Variants in XDH observed in about 807,000 individuals in gnomAD.
XDH encodes the protein xanthine dehydrogenase, also known as xanthine dehydrogenase/oxidase.
A neutral mutation model predicts 156.1 loss-of-function variants in XDH; 138 were observed. The observed-to-expected ratio is 0.88, with a 90% confidence interval of 0.77 to 1.02. The LOEUF (loss-of-function observed/expected upper bound fraction) is 1.02. Among genes scored for constraint, XDH ranks in the 50% least tolerant of loss-of-function variants. The pLI is 0.00. For synonymous variants in XDH, 669 were observed against 625.7 expected, an observed-to-expected ratio of 1.07 and a Z score of -1.03; for missense variants, 1,849 against 1,684.9, an observed-to-expected ratio of 1.10 and a Z score of -1.71.
chr2:31,401,716 C>T (rs1687065746), intron 3 of XDH, among the ~76,000 whole-genome samples: 1 of 152,260 alleles, frequency 6.6e-6, no homozygotes. Flanking sequence ...AGGGCTGTTC[C>T]TTAGCTTCCA....
At chr2:31,411,295 A>G (rs1687337602) in intron 1 of XDH, among the ~76,000 whole-genome samples, 1 of 151,740 alleles carries the variant, frequency 6.6e-6, no homozygotes, top group Non-Finnish European at 1.5e-5. Context: ...AAAAAAAAAA[A>G]AAAAAGAATA....
At chr2:31,340,613 G>C (rs373417828) in intron 33 of XDH, among the ~76,000 whole-genome samples, 1 of 152,018 alleles carries the variant, frequency 6.6e-6, no homozygotes, top group Non-Finnish European at 1.5e-5. Flanking sequence ...GGGATTACAG[G>C]TGCATGCCAC....
At chr2:31,400,196 T>A (rs1189752008) in intron 4 of XDH, among the ~76,000 whole-genome samples, 1 of 150,342 alleles carries the variant, frequency 6.7e-6, no homozygotes, top group Admixed American at 6.6e-5. Context: ...CCTCAAATAA[T>A]CAAGGGAGGA....
intron 4 of XDH, among the ~76,000 whole-genome samples, chr2:31,400,877 T>G (rs1687040053): frequency 6.6e-6 from 1 of 152,184 alleles, no homozygotes; most frequent in Admixed American, 6.5e-5. Context: ...GCTGGGAGTT[T>G]CCTAAACACA....
chr2:31,381,763 C>A (rs1473602352), intron 11 of XDH, 37 bp from the exon 12 acceptor site: 1 of 1,575,886 alleles, frequency 6.3e-7, no homozygotes, highest in Non-Finnish European at 8.7e-7. Flanking sequence ...AGAGCCCACC[C>A]CAGGAAACCC....
intron 13 of XDH, among the ~76,000 whole-genome samples, chr2:31,378,110 G>GAAATAAA (rs1572545845): frequency 2.2e-5 from 1 of 44,732 alleles, no homozygotes; most frequent in Non-Finnish European, 4.4e-5. Flanking sequence ...AAGAAAGAAA[G>GAAATAAA]GAAGGAAGGA....
rs1686512002 is a variant in XDH, at chr2:31,383,942, G to C, written c.794-95C>G. 2.0e-5 allele frequency: 21 copies of C among 1,055,520 alleles called. No individual in the cohort carries two copies. In the Admixed American group the frequency reaches 3.9e-4, roughly 20 times the overall value. The allele number at this position is 1,055,520 out of a possible 1,614,324, so 65.4% of individuals were successfully genotyped here. A position where few individuals can be genotyped will look rare whatever the true frequency, so the allele number is the denominator to read the frequency against. On this transcript the variant is annotated intron_variant, in intron 9 of 35. Transcript: ENST00000379416. ...TCTCACCATTACACACAGGATATAT[G>C]ACATATCCACAATCATAATATGCTC...
At chr2:31,337,109 C>T (rs1684987202) in intron 35 of XDH, among the ~76,000 whole-genome samples, 1 of 152,082 alleles carries the variant, frequency 6.6e-6, no homozygotes, top group Non-Finnish European at 1.5e-5. Context: ...ATCAATCACC[C>T]TATAATGGAA....
intron 11 of XDH, 86 bp from the exon 12 acceptor site, chr2:31,381,812 G>C: frequency 2.4e-6 from 3 of 1,238,664 alleles, no homozygotes; most frequent in Non-Finnish European, 3.5e-6. Flanking sequence ...CCAGCCAGGT[G>C]ACACCTGCTG....
intron 9 of XDH, chr2:31,384,277 T>C: frequency 1.0e-5 from 2 of 193,412 alleles, no homozygotes. Flanking sequence ...TTTCTGTTTA[T>C]AGATGAAGAA....
chr2:31,408,430 G>C (rs1390112878), intron 1 of XDH, among the ~76,000 whole-genome samples: 2 of 152,192 alleles, frequency 1.3e-5, no homozygotes, highest in African/African-American at 4.8e-5. Flanking sequence ...TATCCCAAAG[G>C]AAAAACATTT....
At position 31,372,417 on chromosome 2, in the gene XDH, A is replaced by C. The variant is rs766720762; in HGVS notation, c.1687-20T>G. 1.9e-6 allele frequency: 3 copies of C among 1,613,812 alleles called. No homozygotes were observed. The highest frequency in any genetic ancestry group is 1.7e-5 in the Admixed American group (1 of 60,032). ...CACCTCCTGGAATGACAGGGTCATC[A>C]ATCAGGGTGAGCTGCCAAGGACACT... On this transcript the variant is annotated intron_variant, in intron 16 of 35. Transcript: ENST00000379416.
At chr2:31,338,196 G>C (rs1216708590) in intron 34 of XDH, among the ~76,000 whole-genome samples, 1 of 152,158 alleles carries the variant, frequency 6.6e-6, no homozygotes, top group East Asian at 1.9e-4. Context: ...GAGTCTACCT[G>C]CAACTCTGAC....
chr2:31,360,254 T>C (rs560887242), intron 24 of XDH, among the ~76,000 whole-genome samples: 6 of 152,132 alleles, frequency 3.9e-5, no homozygotes, highest in Non-Finnish European at 8.8e-5. Context: ...TCCCAGCACT[T>C]TGGGAGGATG....
chr2:31,367,729 G>A (rs1685959349), intron 20 of XDH, among the ~76,000 whole-genome samples: 1 of 152,132 alleles, frequency 6.6e-6, no homozygotes, highest in African/African-American at 2.4e-5. Context: ...GAATACTCTA[G>A]AATCTCTCTA....
Position 31,375,540 on chromosome 2 carries a change from T to G in XDH, c.1442A>C (p.Glu481Ala), listed in dbSNP as rs1259757352. 1 of 1,613,474 alleles carries G rather than the reference T, an allele frequency of 6.2e-7. No individual in the cohort carries two copies. Among genetic ancestry groups the G allele is most frequent in the South Asian group, 1.1e-5 (1 of 91,060 alleles). Residue 481 changes from glutamate (E) to alanine (A), a missense_variant, in exon 15 of 36, where the codon GAG (glutamate) becomes GCG (alanine). Glu to Ala is a moderately radical substitution (Grantham distance 107). Transcript: ENST00000379416. ...QRQLSKLWKE[E>A]LLQDVCAGLA... Reference sequence around the variant, plus strand: ...TCCTGCACACACGTCCTGCAGCAGCTCCTCCTTCCAGAGCCTGCCAGAGAG... The same window carrying G: ...TCCTGCACACACGTCCTGCAGCAGCGCCTCCTTCCAGAGCCTGCCAGAGAG...
intron 18 of XDH, among the ~76,000 whole-genome samples, 182 bp from the exon 19 acceptor site, chr2:31,368,842 C>T (rs530238129): frequency 6.6e-6 from 1 of 152,290 alleles, no homozygotes; most frequent in South Asian, 2.1e-4. Context: ...ATCAAGATGG[C>T]AAACACATTT....
At chr2:31,388,457 C>G (rs765653093) in intron 6 of XDH, among the ~76,000 whole-genome samples, 162 bp from the exon 7 acceptor site, 1 of 152,190 alleles carries the variant, frequency 6.6e-6, no homozygotes, top group Non-Finnish European at 1.5e-5. Flanking sequence ...TGGAGGCCTC[C>G]GCTACATTCC....
rs377705457 is a variant in XDH at position 31,368,665 on chromosome 2, T to C, written c.1981-5A>G. 10 of 1,614,086 alleles carry C rather than the reference T, an allele frequency of 6.2e-6. No homozygotes were observed. In the East Asian group the frequency reaches 6.7e-5, roughly 11 times the overall value. ...GATATGCCCAACACAAGTAACCTAG[T>C]AGCAGAGACAGACTGTTAAAGAACG... On this transcript the variant is annotated splice_polypyrimidine_tract_variant and splice_region_variant and intron_variant, in intron 18 of 35. Coordinates refer to ENST00000379416, the MANE Select transcript of XDH (RefSeq NM_000379.4).
Sources: gnomAD v4.1 joint callset for allele counts (sites outside exome capture counted in the v4.1 genomes callset) on GRCh38, gnomAD v4.1.1 for gene constraint, MANE v1.5 for transcripts, NCBI Gene and HGNC (gene_info 2026-07-23, HGNC 2026-07-21) for gene names.